The following TBC1D7 variants were observed in gnomAD, a reference collection of about 807,000 sequenced individuals.
TBC1D7 encodes TBC1 domain family member 7, also known as TBC domain family 7.
Under a neutral mutation model 35.3 loss-of-function variants are expected in TBC1D7, and 33 were observed. The observed-to-expected ratio is 0.93, with a 90% CI of 0.71 to 1.25. TBC1D7 has a LOEUF of 1.25. Among genes scored for constraint, TBC1D7 ranks in the 50% most tolerant of loss-of-function variants. The pLI is 0.00. For missense variants in TBC1D7, 362 were observed against 365.3 expected (o/e 0.99, Z 0.07); for synonymous variants, 135 against 129.5 (o/e 1.04, Z -0.29).
At position 13,321,054 on chromosome 6, in the gene TBC1D7, T is replaced by TG. The variant is rs771222483; in HGVS notation, c.234_235insC (p.Met79HisfsTer4). On this transcript the variant is annotated frameshift_variant, in exon 4 of 8. Coordinates refer to ENST00000379300, the MANE Select transcript of TBC1D7 (RefSeq NM_016495.6). LOFTEE classifies it high-confidence loss of function. ...TCCAAGTACTGCTCCTTACGATACATCATCACCTTGGCATGGGACTCGTGG... is the reference window on the plus strand; with the variant it reads ...TCCAAGTACTGCTCCTTACGATACATGCATCACCTTGGCATGGGACTCGTGG... 2 of 1,614,038 alleles carry TG rather than the reference T, an allele frequency of 1.2e-6. No individual in the cohort carries two copies. The highest frequency in any genetic ancestry group is 4.5e-5 in the East Asian group (2 of 44,880).
At chr6:13,308,250 T>G (rs1254534334) in intron 5 of TBC1D7, among the ~76,000 whole-genome samples, 1 of 152,068 alleles carries the variant, frequency 6.6e-6, no homozygotes, top group Non-Finnish European at 1.5e-5. Context: ...GTGATGGTGA[T>G]GAGAAGGGGC....
In TBC1D7 at chr6:13,316,619, G is replaced by C; in HGVS notation, c.471C>G (p.Arg157=). The C allele has an allele frequency of 6.2e-7, 1 of 1,613,356 alleles. No individual in the cohort carries two copies. The highest frequency in any genetic ancestry group is 1.3e-5 in the African/African-American group (1 of 74,766). The change falls in exon 5 of 8, where the codon CGC becomes CGG. Residue 157 remains arginine (R), a synonymous_variant. Coordinates refer to ENST00000379300, the MANE Select transcript of TBC1D7 (RefSeq NM_016495.6). ...ACTTGGTATTTAATTGGTTCACAAA[G>C]CGTCGGGTGATCCAGTAACAGTCGA... The part of the protein sequence containing the change: ...DSVDCYWITR[R]FVNQLNTKYR...
intron 3 of TBC1D7, chr6:13,323,659 GCA>G (rs1784203891): frequency 6.6e-6 from 1 of 152,358 alleles, no homozygotes; most frequent in Admixed American, 6.5e-5. Flanking sequence ...ACATAAAAGT[GCA>G]CAGAGACTGC....
intron 4 of TBC1D7, 58 bp from the exon 5 acceptor site, chr6:13,316,766 T>C (rs1318583464): frequency 6.3e-7 from 1 of 1,575,116 alleles, no homozygotes; most frequent in Non-Finnish European, 8.6e-7. Flanking sequence ...AATACATATT[T>C]CTTTAATAAA....
Position 13,307,665 on chromosome 6 carries a change from T to A in TBC1D7, c.600A>T (p.Lys200Asn). Residue 200 changes from lysine to asparagine, a missense_variant, in exon 6 of 8, where the codon AAA becomes AAT. Coordinates refer to ENST00000379300, the MANE Select transcript of TBC1D7 (RefSeq NM_016495.6). Reference sequence around the variant, plus strand: ...TCTTGAACCAGAGATCATAAGGAAGTTTGGGCGCCGCGGAACACATCCTCA... The same window carrying A: ...TCTTGAACCAGAGATCATAAGGAAGATTGGGCGCCGCGGAACACATCCTCA... Reference protein sequence around the residue: ...THLRMCSAAPKLPYDLWFKRC... With the variant: ...THLRMCSAAPNLPYDLWFKRC... 2 of 1,614,104 alleles carry A rather than the reference T, an allele frequency of 1.2e-6. No individual in the cohort carries two copies. The highest frequency in any genetic ancestry group is 1.1e-5 in the South Asian group (1 of 91,084).
intron 5 of TBC1D7, among the ~76,000 whole-genome samples, chr6:13,312,112 T>C (rs1352751264): frequency 6.6e-6 from 1 of 152,216 alleles, no homozygotes; most frequent in African/African-American, 2.4e-5. Flanking sequence ...CTTACTTAAC[T>C]TCTCTGTGCT....
Position 13,321,082 on chromosome 6 carries a change from TG to T in TBC1D7, c.206del (p.Pro69HisfsTer9). 6.2e-7 allele frequency: 1 copy of T among 1,612,664 alleles called. No homozygotes were observed. ...VWKVLLGILP[P>X]HHESHAKVMM... ...TCACCTTGGCATGGGACTCGTGGTG[TG>T]GAGGCAAGATTCCTAGAGAGAACAG... On this transcript the variant is annotated frameshift_variant, in exon 4 of 8. Coordinates refer to ENST00000379300, the MANE Select transcript of TBC1D7 (RefSeq NM_016495.6). LOFTEE classifies it high-confidence loss of function.
intron 5 of TBC1D7, among the ~76,000 whole-genome samples, chr6:13,315,466 C>A (rs1166554797): frequency 6.6e-6 from 1 of 152,098 alleles, no homozygotes; most frequent in Non-Finnish European, 1.5e-5. Flanking sequence ...TAAATCCCAG[C>A]ACTTTGGGAG....
intron 5 of TBC1D7, among the ~76,000 whole-genome samples, chr6:13,314,271 C>T (rs1783441510): frequency 6.6e-6 from 1 of 150,752 alleles, no homozygotes; most frequent in African/African-American, 2.4e-5. Flanking sequence ...TCTTGTAATA[C>T]ACACCAAGCT....
chr6:13,316,164 T>G (rs554077316), intron 5 of TBC1D7, among the ~76,000 whole-genome samples: 1 of 152,364 alleles, frequency 6.6e-6, no homozygotes, highest in East Asian at 1.9e-4. Context: ...ATTCTTAGCT[T>G]CTGGTATTTG....
intron 2 of TBC1D7, among the ~76,000 whole-genome samples, chr6:13,325,450 G>A (rs1784341170): frequency 6.6e-6 from 1 of 152,088 alleles, no homozygotes; most frequent in Non-Finnish European, 1.5e-5. Context: ...ATCACTAGAG[G>A]TCAGGAGTTT....
intron 3 of TBC1D7, among the ~76,000 whole-genome samples, 178 bp downstream of exon 3, chr6:13,324,916 C>A (rs764900501): frequency 2.6e-5 from 4 of 152,220 alleles, no homozygotes; most frequent in Admixed American, 6.5e-5. Flanking sequence ...ACTATTTTCT[C>A]TTCTATAGTA....
intron 6 of TBC1D7, 182 bp from the exon 7 acceptor site, chr6:13,306,709 T>C (rs542281758): frequency 7.5e-5 from 33 of 440,022 alleles, no homozygotes; most frequent in Non-Finnish European, 1.1e-4. Flanking sequence ...AAATCTATTC[T>C]AGATACAATC....
chr6:13,316,800 T>A, intron 4 of TBC1D7, 92 bp from the exon 5 acceptor site: 1 of 1,467,228 alleles, frequency 6.8e-7, no homozygotes, highest in Admixed American at 2.0e-5. Context: ...CTCCCTAAAT[T>A]TTGAAAAGGC....
chr6:13,324,311 T>G (rs1176711322), intron 3 of TBC1D7, among the ~76,000 whole-genome samples: 1 of 152,064 alleles, frequency 6.6e-6, no homozygotes, highest in African/African-American at 2.4e-5. Context: ...GTATTTTTAG[T>G]AGAGAGGGGG....
intron 3 of TBC1D7, among the ~76,000 whole-genome samples, chr6:13,321,754 C>G (rs1784058667): frequency 6.6e-6 from 1 of 152,174 alleles, no homozygotes; most frequent in Admixed American, 6.5e-5. Flanking sequence ...CTGGATAATA[C>G]TAGGACTCTG....
chr6:13,316,538 C>T lies in TBC1D7; in HGVS notation c.519+33G>A, dbSNP rs1783630124. The T allele has an allele frequency of 1.9e-6, 3 of 1,594,598 alleles. No individual in the cohort carries two copies. The East Asian group carries it at 6.7e-5, about 36-fold the overall frequency. On this transcript the variant is annotated intron_variant, in intron 5 of 7. Transcript: ENST00000379300. ...AAGACCCCCACTACCATTGTTCACT[C>T]TCCAATAGCCAAAAAAAAAAAAAAG...
At chr6:13,327,171 AG>A (rs1400956561) in intron 1 of TBC1D7, among the ~76,000 whole-genome samples, 1 of 152,230 alleles carries the variant, frequency 6.6e-6, no homozygotes, top group African/African-American at 2.4e-5. Flanking sequence ...TTTATGCACT[AG>A]GTTTCCCACT....
intron 7 of TBC1D7, chr6:13,306,007 C>T (rs1782783039): frequency 5.6e-6 from 1 of 177,634 alleles, no homozygotes; most frequent in African/African-American, 2.4e-5. Context: ...TAAGTGGACA[C>T]ATTCACGAGA....
Sources: gnomAD v4.1 joint callset for allele counts (sites outside exome capture counted in the v4.1 genomes callset) on GRCh38, gnomAD v4.1.1 for gene constraint, MANE v1.5 for transcripts, NCBI Gene and HGNC (gene_info 2026-07-23, HGNC 2026-07-21) for gene names.